The following FAM168A variants were observed in gnomAD, a reference collection of about 807,000 sequenced individuals.
FAM168A encodes family with sequence similarity 168 member A.
FAM168A carries 3 observed loss-of-function variants against 28.5 expected under a neutral mutation model. That is an observed-to-expected ratio of 0.11 (90% CI 0.05 to 0.27). The LOEUF (loss-of-function observed/expected upper bound fraction) is 0.27. Ranked by LOEUF, FAM168A falls within the 10% of genes least tolerant of loss-of-function variation. FAM168A has a pLI of 1.00. For missense variants in FAM168A, 222 were observed against 311.5 expected, an observed-to-expected ratio of 0.71 and a Z score of 2.16; for synonymous variants, 122 against 124.2, an observed-to-expected ratio of 0.98 and a Z score of 0.12.
In FAM168A at chr11:73,404,161, T is replaced by C. The variant is rs1224931472; in HGVS notation, c.*2602A>G. On this transcript the variant is annotated 3_prime_UTR_variant, in exon 8 of 8. Transcript: ENST00000356467. Reference sequence around the variant, plus strand: ...CAGCTGTTAGTTTTACTTACTGGTGTTGAAAGAACAAAAGTTACAAGGTCA... The same window carrying C: ...CAGCTGTTAGTTTTACTTACTGGTGCTGAAAGAACAAAAGTTACAAGGTCA... The C allele has an allele frequency of 6.6e-6, 1 of 152,242 alleles. No homozygotes were observed. Among genetic ancestry groups the C allele is most frequent in the East Asian group, 1.9e-4 (1 of 5,202 alleles). 9.4% of individuals were successfully genotyped at this position (152,242 alleles called of 1,614,324 possible).
chr11:73,412,863 G>T (rs897214544), intron 4 of FAM168A, among the ~76,000 whole-genome samples: 1 of 152,182 alleles, frequency 6.6e-6, no homozygotes. Context: ...GCTCCGAGGT[G>T]CTGTTTCTAT....
At chr11:73,551,548 C>T (rs1278290770) in intron 1 of FAM168A, among the ~76,000 whole-genome samples, 2 of 152,184 alleles carry the variant, frequency 1.3e-5, no homozygotes, top group Admixed American at 1.3e-4. Flanking sequence ...ATTCAATAGC[C>T]ATTCCGGATT....
At chr11:73,411,260 G>A in intron 5 of FAM168A, 134 bp downstream of exon 5, 2 of 982,298 alleles carry the variant, frequency 2.0e-6, no homozygotes, top group African/African-American at 3.3e-5. Flanking sequence ...TTGCTTCAGT[G>A]ATACAACAAG....
At chr11:73,571,875 G>C (rs1214689405) in intron 1 of FAM168A, among the ~76,000 whole-genome samples, 1 of 151,890 alleles carries the variant, frequency 6.6e-6, no homozygotes, top group East Asian at 1.9e-4. Context: ...TCTGAGATGT[G>C]GGGAGCGCCC....
chr11:73,564,459 C>T (rs1462431923), intron 1 of FAM168A, among the ~76,000 whole-genome samples: 1 of 151,430 alleles, frequency 6.6e-6, no homozygotes, highest in Non-Finnish European at 1.5e-5. Context: ...CTAGAGGTGG[C>T]CAGGCGCAGT....
intron 1 of FAM168A, among the ~76,000 whole-genome samples, chr11:73,586,384 CAGCCTGGGCAATAT>C (rs1431212162): frequency 1.3e-5 from 2 of 152,076 alleles, no homozygotes; most frequent in African/African-American, 4.8e-5. Context: ...AGTTCAAGAC[CAGCCTGGGCAATAT>C]AGCAAGACCC....
At chr11:73,499,766 A>C (rs950832031) in intron 1 of FAM168A, among the ~76,000 whole-genome samples, 13 of 152,146 alleles carry the variant, frequency 8.5e-5, no homozygotes, top group Admixed American at 7.2e-4. Flanking sequence ...AAGCGGAAGA[A>C]AGGTTATCAG....
At chr11:73,508,545 G>A (rs1012022131) in intron 1 of FAM168A, among the ~76,000 whole-genome samples, 18 of 152,074 alleles carry the variant, frequency 1.2e-4, no homozygotes, top group Admixed American at 3.3e-4. Flanking sequence ...AGGTGCGTGC[G>A]TGCATGCGTG....
rs76362729 is a variant in FAM168A at position 73,457,691 on chromosome 11, A to C, written c.70+10714T>G. ...CAAGAGCTGGAGGCTGCAGTGAGCTATGATTGTGCTACGGTACTCTAGCCT... is the reference window on the plus strand; with the variant it reads ...CAAGAGCTGGAGGCTGCAGTGAGCTCTGATTGTGCTACGGTACTCTAGCCT... On this transcript the variant is annotated intron_variant, in intron 2 of 7. Transcript: ENST00000356467. Among the ~76,000 whole-genome samples, 31 of 132,782 alleles carry C rather than the reference A, an allele frequency of 2.3e-4. No individual in the cohort carries two copies. The East Asian group carries it at 5.9e-3, about 25-fold the overall frequency. 87.1% of individuals were successfully genotyped at this position (132,782 alleles called of 152,430 possible).
intron 1 of FAM168A, among the ~76,000 whole-genome samples, chr11:73,523,274 C>T (rs929112568): frequency 6.6e-6 from 1 of 152,072 alleles, no homozygotes; most frequent in African/African-American, 2.4e-5. Flanking sequence ...TAACGCTTTA[C>T]TTCATATGTT....
At chr11:73,544,694 T>G (rs947306827) in intron 1 of FAM168A, among the ~76,000 whole-genome samples, 43 of 124,818 alleles carry the variant, frequency 3.4e-4, no homozygotes, top group African/African-American at 1.2e-3. Flanking sequence ...TTATATATTT[T>G]ATATGTAATT....
At chr11:73,561,447 T>C (rs1174133534) in intron 1 of FAM168A, among the ~76,000 whole-genome samples, 1 of 151,928 alleles carries the variant, frequency 6.6e-6, no homozygotes, top group African/African-American at 2.4e-5. Flanking sequence ...AGTTCACCTA[T>C]AGCAACTGGG....
intron 1 of FAM168A, among the ~76,000 whole-genome samples, chr11:73,556,038 C>T (rs1401537951): frequency 6.6e-6 from 1 of 152,030 alleles, no homozygotes; most frequent in Non-Finnish European, 1.5e-5. Context: ...ATGCCAAAGA[C>T]AAAAGAACAA....
intron 1 of FAM168A, among the ~76,000 whole-genome samples, chr11:73,590,776 A>G (rs1944371632): frequency 6.6e-6 from 1 of 152,130 alleles, no homozygotes; most frequent in Non-Finnish European, 1.5e-5. Flanking sequence ...GAACTGACAC[A>G]TATCTTTTTT....
chr11:73,530,006 C>T (rs1002518302), intron 1 of FAM168A, among the ~76,000 whole-genome samples: 2 of 151,922 alleles, frequency 1.3e-5, no homozygotes, highest in Non-Finnish European at 2.9e-5. Flanking sequence ...AGGCTGGTAT[C>T]GAATTCCTGA....
chr11:73,486,487 T>A (rs1868055098), intron 1 of FAM168A, among the ~76,000 whole-genome samples: 1 of 152,244 alleles, frequency 6.6e-6, no homozygotes, highest in South Asian at 2.1e-4. Flanking sequence ...TTATTTCATT[T>A]AGCATAACTT....
chr11:73,575,632 G>A (rs1411665355), intron 1 of FAM168A, among the ~76,000 whole-genome samples: 2 of 152,184 alleles, frequency 1.3e-5, no homozygotes, highest in Non-Finnish European at 2.9e-5. Flanking sequence ...CACTTTGGGA[G>A]GCTGAGGCAA....
intron 1 of FAM168A, among the ~76,000 whole-genome samples, chr11:73,536,672 A>G (rs1266494338): frequency 6.6e-6 from 1 of 152,032 alleles, no homozygotes; most frequent in Non-Finnish European, 1.5e-5. Context: ...GGGCAACAAG[A>G]GCTTAACTCC....
At chr11:73,524,169 C>T (rs1943420859) in intron 1 of FAM168A, among the ~76,000 whole-genome samples, 1 of 152,040 alleles carries the variant, frequency 6.6e-6, no homozygotes, top group Non-Finnish European at 1.5e-5. Flanking sequence ...TTGTATATAA[C>T]CTCTTAATTC....
Sources: allele counts gnomAD v4.1 joint callset (sites outside exome capture counted in the v4.1 genomes callset), GRCh38; gene constraint gnomAD v4.1.1; transcripts MANE v1.5; gene names NCBI Gene and HGNC (gene_info 2026-07-23, HGNC 2026-07-21).